LONP2: variants seen among roughly 807,000 people sequenced by gnomAD.
The protein encoded by LONP2 is lon protease homolog 2, peroxisomal.
A neutral mutation model predicts 85.6 loss-of-function variants in LONP2; 60 were observed. The observed-to-expected ratio is 0.70, with a 90% CI of 0.57 to 0.87. The LOEUF (loss-of-function observed/expected upper bound fraction) is 0.87, where lower values mean the gene tolerates loss of function less well. Ranked by LOEUF, LONP2 falls within the 40% of genes least tolerant of loss-of-function variation. The pLI is 0.00. For synonymous variants in LONP2, 395 were observed against 389.7 expected (o/e 1.01, Z -0.16); for missense variants, 860 against 1,063.5 (o/e 0.81, Z 2.66).
At chr16:48,327,519 A>G (rs1467458093) in intron 11 of LONP2, among the ~76,000 whole-genome samples, 2 of 151,976 alleles carry the variant, frequency 1.3e-5, no homozygotes, top group African/African-American at 4.8e-5. Flanking sequence ...GTGCAGTGGC[A>G]TGATCTCGGC....
intron 7 of LONP2, among the ~76,000 whole-genome samples, chr16:48,274,325 A>G (rs778319422): frequency 1.3e-5 from 2 of 152,154 alleles, no homozygotes; most frequent in Non-Finnish European, 2.9e-5. Context: ...TTTCTCAGGC[A>G]GGGGATTTAT....
intron 8 of LONP2, among the ~76,000 whole-genome samples, chr16:48,279,346 G>C (rs1972278373): frequency 6.6e-6 from 1 of 152,100 alleles, no homozygotes; most frequent in Non-Finnish European, 1.5e-5. Context: ...AGCTGGCTGT[G>C]CTGTTTGGTT....
chr16:48,314,847 C>A (rs1973109152), intron 11 of LONP2, among the ~76,000 whole-genome samples: 1 of 152,096 alleles, frequency 6.6e-6, no homozygotes, highest in Admixed American at 6.5e-5. Context: ...TATTGGCCTC[C>A]TGTTCAACAA....
At chr16:48,334,147 T>C in intron 11 of LONP2, 69 bp from the exon 12 acceptor site, 3 of 1,479,334 alleles carry the variant, frequency 2.0e-6, no homozygotes, top group African/African-American at 1.4e-5. Context: ...TTGTTTGATA[T>C]TTACTGCTAG....
intron 8 of LONP2, among the ~76,000 whole-genome samples, chr16:48,293,350 C>T (rs1972596612): frequency 6.6e-6 from 1 of 152,094 alleles, no homozygotes; most frequent in African/African-American, 2.4e-5. Flanking sequence ...ATGGCGTGAG[C>T]CCGGGAGGCG....
In LONP2 at chr16:48,353,426, C is replaced by G. The variant is rs1461439556; in HGVS notation, c.*1624C>G. The G allele has an allele frequency of 6.9e-6, 1 of 144,890 alleles. No homozygotes were observed. The highest frequency in any genetic ancestry group is 1.5e-5 in the Non-Finnish European group (1 of 67,182). The allele number at this position is 144,890 out of a possible 1,614,324, so 9.0% of individuals were successfully genotyped here. A position where few individuals can be genotyped will look rare whatever the true frequency, so the allele number is the denominator to read the frequency against. ...GCTGAGATGGGAGGATGAGGGAGGT[C>G]GGGGCTGCAGTGAGCCAAGATCACG... is the stretch of plus-strand genomic sequence containing the variant. On this transcript the variant is annotated 3_prime_UTR_variant, in exon 15 of 15. Coordinates refer to ENST00000285737, the MANE Select transcript of LONP2 (RefSeq NM_031490.5).
chr16:48,254,986 T>G (rs531039501), intron 2 of LONP2, among the ~76,000 whole-genome samples: 124 of 152,208 alleles, frequency 8.1e-4, no homozygotes, highest in Non-Finnish European at 1.5e-3. Flanking sequence ...ATACTTTAAT[T>G]CCCTTCATTC....
rs1467194742 is a variant in LONP2 at position 48,354,248 on chromosome 16, C to T, written c.*2446C>T. ...TTTGAGATGGAGTCTTGCTCTGTTA[C>T]CCAGGCTGCACTGCAGTGGCATGAT... On this transcript the variant is annotated 3_prime_UTR_variant, in exon 15 of 15. Coordinates refer to ENST00000285737, the MANE Select transcript of LONP2 (RefSeq NM_031490.5). 8.9e-6 allele frequency: 1 copy of T among 112,306 alleles called. No individual in the cohort carries two copies. The highest frequency in any genetic ancestry group is 1.7e-5 in the Non-Finnish European group (1 of 59,258). 7.0% of individuals were successfully genotyped at this position (112,306 alleles called of 1,614,324 possible). A position where few individuals can be genotyped will look rare whatever the true frequency, so the allele number is the denominator to read the frequency against.
intron 11 of LONP2, among the ~76,000 whole-genome samples, chr16:48,321,662 T>C (rs1442417958): frequency 6.6e-6 from 1 of 152,202 alleles, no homozygotes; most frequent in African/African-American, 2.4e-5. Context: ...GGCTATAAAC[T>C]TCTACAGCAT....
chr16:48,343,404 T>C (rs568377531), intron 12 of LONP2, among the ~76,000 whole-genome samples: 1 of 152,236 alleles, frequency 6.6e-6, no homozygotes, highest in African/African-American at 2.4e-5. Flanking sequence ...ATTGATGTAT[T>C]AAGAATGCAA....
chr16:48,296,748 C>T (rs904772686), intron 9 of LONP2, among the ~76,000 whole-genome samples: 3 of 149,410 alleles, frequency 2.0e-5, no homozygotes, highest in African/African-American at 7.4e-5. Context: ...AAAAGAGTAA[C>T]TGAACTTTCT....
chr16:48,261,528 AAT>A lies in LONP2; in HGVS notation c.830_831del (p.Ile277ThrfsTer4), dbSNP rs777443788. The A allele has an allele frequency of 1.9e-6, 3 of 1,608,380 alleles. No individual in the cohort carries two copies. In the Admixed American group the frequency reaches 5.1e-5, roughly 27 times the overall value. Reference sequence around the variant, plus strand: ...ATGACATTGTCATGCTAGAGAAAAAAATACGAACATCTAGTATGCCAGAGCAG... The same window carrying A: ...ATGACATTGTCATGCTAGAGAAAAAAACGAACATCTAGTATGCCAGAGCAG... Reference protein sequence around the residue: ...NDDIVMLEKKIRTSSMPEQAH... With the variant: ...NDDIVMLEKKXRTSSMPEQAH... On this transcript the variant is annotated frameshift_variant, in exon 5 of 15. Transcript: ENST00000285737. LOFTEE classifies it high-confidence loss of function.
intron 7 of LONP2, among the ~76,000 whole-genome samples, chr16:48,276,833 TTTG>T (rs147558385): frequency 0.014 from 2,080 of 152,308 alleles, 46 homozygotes; most frequent in African/African-American, 0.047. Context: ...GTTTTTCTTT[TTTG>T]TTGTTGTTTT....
At chr16:48,345,582 T>C (rs1050091476) in intron 12 of LONP2, 1 of 152,262 alleles carries the variant, frequency 6.6e-6, no homozygotes, top group Admixed American at 6.5e-5. Context: ...AGATCGTTTG[T>C]GTCTTTCGCC....
At chr16:48,342,554 T>C (rs116662735) in intron 12 of LONP2, among the ~76,000 whole-genome samples, 2 of 152,182 alleles carry the variant, frequency 1.3e-5, no homozygotes, top group Non-Finnish European at 2.9e-5. Flanking sequence ...ACTGGAAGGA[T>C]TGGAGAGCAG....
intron 12 of LONP2, chr16:48,344,935 C>G (rs1184711790): frequency 6.6e-6 from 1 of 151,256 alleles, no homozygotes; most frequent in Non-Finnish European, 1.5e-5. Flanking sequence ...AACAAAACAA[C>G]AATCTGGCTG....
Position 48,244,343 on chromosome 16 carries a change from T to G in LONP2, c.-46T>G. 1 of 1,392,742 alleles carries G rather than the reference T, an allele frequency of 7.2e-7. No homozygotes were observed. Among genetic ancestry groups the G allele is most frequent in the South Asian group, 1.4e-5 (1 of 71,948 alleles). The allele number at this position is 1,392,742 out of a possible 1,614,324, so 86.3% of individuals were successfully genotyped here. ...CTGCGGGGCAGGCCGGGGGCAGCTG[T>G]CTGTCTGGCTCTTTTTGACAGCCCC... On this transcript the variant is annotated 5_prime_UTR_variant, in exon 1 of 15. Transcript: ENST00000285737.
chr16:48,253,527 G>T (rs1971697061), intron 2 of LONP2, among the ~76,000 whole-genome samples: 1 of 151,714 alleles, frequency 6.6e-6, no homozygotes, highest in Non-Finnish European at 1.5e-5. Flanking sequence ...TGGGCTGAAA[G>T]AAAGCACTTT....
intron 11 of LONP2, among the ~76,000 whole-genome samples, chr16:48,330,013 G>A (rs1216638322): frequency 6.6e-6 from 1 of 152,230 alleles, no homozygotes; most frequent in African/African-American, 2.4e-5. Context: ...ATATTTGGAA[G>A]GCTTTCAGTC....
Sources: gnomAD v4.1 joint callset for allele counts (sites outside exome capture counted in the v4.1 genomes callset) on GRCh38, gnomAD v4.1.1 for gene constraint, MANE v1.5 for transcripts, NCBI Gene and HGNC (gene_info 2026-07-23, HGNC 2026-07-21) for gene names.